Variants in PPP1R12A observed in about 807,000 individuals in gnomAD.
PPP1R12A encodes myosin binding subunit.
Under a neutral mutation model 139.6 loss-of-function variants are expected in PPP1R12A, and 19 were observed. The observed-to-expected ratio is 0.14, with a 90% CI of 0.09 to 0.20. The LOEUF is 0.20. Ranked by LOEUF, PPP1R12A falls within the 10% of genes least tolerant of loss-of-function variation. The probability of loss-of-function intolerance (pLI) is 1.00; values close to 1 mark genes in which losing one functional copy is unlikely to be tolerated. For missense variants in PPP1R12A, 925 were observed against 1,211.5 expected (o/e 0.76, Z 3.51); for synonymous variants, 427 against 420.6 (o/e 1.02, Z -0.19).
chr12:79,809,192 TA>T (rs1184235225), intron 10 of PPP1R12A, among the ~76,000 whole-genome samples: 1 of 152,106 alleles, frequency 6.6e-6, no homozygotes, highest in East Asian at 1.9e-4. Flanking sequence ...GAATTTCTGA[TA>T]TAAGGAAACA....
chr12:79,800,566 G>A (rs776466061), intron 14 of PPP1R12A, among the ~76,000 whole-genome samples: 6 of 151,504 alleles, frequency 4.0e-5, no homozygotes, highest in Middle Eastern at 3.4e-3. Context: ...AAAGTTTTAC[G>A]CAAATTTTTG....
At chr12:79,837,120 A>G (rs890161136) in intron 3 of PPP1R12A, among the ~76,000 whole-genome samples, 2 of 152,236 alleles carry the variant, frequency 1.3e-5, no homozygotes, top group African/African-American at 4.8e-5. Flanking sequence ...AAAAAATCTT[A>G]TAATGCATTT....
intron 1 of PPP1R12A, among the ~76,000 whole-genome samples, chr12:79,904,573 GA>G (rs995664568): frequency 6.6e-6 from 1 of 152,040 alleles, no homozygotes; most frequent in Non-Finnish European, 1.5e-5. Context: ...CTCTGAAGAG[GA>G]AAAGACTCTT....
chr12:79,918,407 TTTC>T (rs1318426593), intron 1 of PPP1R12A, among the ~76,000 whole-genome samples: 1 of 152,194 alleles, frequency 6.6e-6, no homozygotes, highest in Admixed American at 6.5e-5. Context: ...TTGATTTTCA[TTTC>T]TTGTTTACTT....
intron 2 of PPP1R12A, 130 bp from the exon 3 acceptor site, chr12:79,845,550 A>T: frequency 1.5e-6 from 1 of 659,064 alleles, no homozygotes; most frequent in Non-Finnish European, 2.5e-6. Context: ...TTTAAATTTT[A>T]AAAAACTATC....
intron 4 of PPP1R12A, among the ~76,000 whole-genome samples, chr12:79,829,213 G>A (rs1272244408): frequency 1.3e-5 from 2 of 151,840 alleles, no homozygotes; most frequent in Non-Finnish European, 2.9e-5. Context: ...AGCAAGGATG[G>A]GTCTATAAAC....
intron 9 of PPP1R12A, among the ~76,000 whole-genome samples, chr12:79,812,391 C>CGTGTGTGTGT (rs1156924649): frequency 0.038 from 5,069 of 134,512 alleles, 213 homozygotes; most frequent in African/African-American, 0.099. Flanking sequence ...TCTGTGTGTG[C>CGTGTGTGTGT]GTGTGTGTGT....
intron 19 of PPP1R12A, among the ~76,000 whole-genome samples, chr12:79,793,069 C>T (rs1420807614): frequency 6.6e-6 from 1 of 152,158 alleles, no homozygotes; most frequent in Non-Finnish European, 1.5e-5. Flanking sequence ...TATTAAGGAA[C>T]TTCAACTCAA....
At chr12:79,844,109 T>C (rs1879108348) in intron 3 of PPP1R12A, among the ~76,000 whole-genome samples, 1 of 152,178 alleles carries the variant, frequency 6.6e-6, no homozygotes, top group Admixed American at 6.5e-5. Flanking sequence ...TCAATGGTTT[T>C]TTTTTAGTAA....
chr12:79,877,205 T>C (rs909557391), intron 1 of PPP1R12A, among the ~76,000 whole-genome samples: 3 of 152,072 alleles, frequency 2.0e-5, no homozygotes, highest in African/African-American at 7.2e-5. Flanking sequence ...ATATTTAAAA[T>C]TATTATGTAT....
chr12:79,858,089 ATAAAG>A (rs1194161247), intron 2 of PPP1R12A, among the ~76,000 whole-genome samples: 2 of 152,198 alleles, frequency 1.3e-5, no homozygotes, highest in African/African-American at 4.8e-5. Context: ...CTTTGTACTA[ATAAAG>A]TATTCTTGAC....
chr12:79,925,904 G>A (rs1290097558), intron 1 of PPP1R12A, among the ~76,000 whole-genome samples: 1 of 152,106 alleles, frequency 6.6e-6, no homozygotes, highest in Non-Finnish European at 1.5e-5. Flanking sequence ...TACCATGCTA[G>A]AGATTTCTTT....
Position 79,808,409 on chromosome 12 carries a change from C to T in PPP1R12A, c.1550+74G>A, listed in dbSNP as rs796727350. On this transcript the variant is annotated intron_variant, in intron 11 of 24. Coordinates refer to ENST00000450142, the MANE Select transcript of PPP1R12A (RefSeq NM_002480.3). The stretch of plus-strand genomic sequence containing the variant: ...TACATATCCGCACATAATTACAATG[C>T]TCATGTATTAACTCTAATGCTAGAT... 9.0e-6 allele frequency: 9 copies of T among 1,001,112 alleles called. No homozygotes were observed. The African/African-American group carries it at 1.4e-4, about 16-fold the overall frequency. The allele number at this position is 1,001,112 out of a possible 1,614,324, so 62.0% of individuals were successfully genotyped here.
intron 9 of PPP1R12A, among the ~76,000 whole-genome samples, chr12:79,816,648 G>T (rs1875425918): frequency 6.6e-6 from 1 of 152,046 alleles, no homozygotes; most frequent in South Asian, 2.1e-4. Context: ...AGAGATGAGA[G>T]GGATGGAGAA....
chr12:79,845,731 G>A (rs1254491750), intron 2 of PPP1R12A, among the ~76,000 whole-genome samples: 1 of 152,088 alleles, frequency 6.6e-6, no homozygotes, highest in Non-Finnish European at 1.5e-5. Flanking sequence ...AGCTACTCAG[G>A]AGGCTGAGGC....
At chr12:79,782,896 T>A (rs1870636327) in intron 22 of PPP1R12A, among the ~76,000 whole-genome samples, 1 of 152,228 alleles carries the variant, frequency 6.6e-6, no homozygotes, top group African/African-American at 2.4e-5. Flanking sequence ...GTGGTAATTT[T>A]AAAAATATTT....
At chr12:79,846,687 C>A (rs1879451485) in intron 2 of PPP1R12A, among the ~76,000 whole-genome samples, 1 of 151,688 alleles carries the variant, frequency 6.6e-6, no homozygotes, top group Non-Finnish European at 1.5e-5. Context: ...CCTCGGCCTC[C>A]CAAAGTGCTG....
Position 79,805,725 on chromosome 12 carries a change from T to C in PPP1R12A, c.1867A>G (p.Lys623Glu), listed in dbSNP as rs778240296. Residue 623 changes from lysine (K) to glutamate (E), a missense_variant, in exon 14 of 25, where the codon AAG becomes GAG. Physicochemically the swap from Lys to Glu is moderately conservative, Grantham distance 56 (BLOSUM62 1). This residue lies in a region of PPP1R12A where 403 missense variants were observed against 463.7 expected (regional missense o/e 0.87). Coordinates refer to ENST00000450142, the MANE Select transcript of PPP1R12A (RefSeq NM_002480.3). ...LWAEDSTEKE[K>E]DSVPTAVTIP... ...GTCACTGCCGTAGGAACACTGTCCT[T>C]TTCTTTCTCAGTACTATCCTCAGCC... The C allele has an allele frequency of 1.9e-6, 3 of 1,613,328 alleles. No homozygotes were observed. Among genetic ancestry groups the C allele is most frequent in the African/African-American group, 2.7e-5 (2 of 74,918 alleles).
chr12:79,842,271 G>A (rs1157641436), intron 3 of PPP1R12A, among the ~76,000 whole-genome samples: 1 of 152,188 alleles, frequency 6.6e-6, no homozygotes, highest in Non-Finnish European at 1.5e-5. Context: ...AGTGAGCCAT[G>A]ATTGTGTCAC....
Sources: gnomAD v4.1 joint callset for allele counts (sites outside exome capture counted in the v4.1 genomes callset) on GRCh38, gnomAD v4.1.1 for gene constraint, gnomAD v4.1.1 regional missense constraint, MANE v1.5 for transcripts, NCBI Gene and HGNC (gene_info 2026-07-23, HGNC 2026-07-21) for gene names.